Variants in ATP2B1 observed in about 807,000 individuals in gnomAD.
ATP2B1 encodes the protein ATPase plasma membrane Ca2+ transporting 1.
In ATP2B1, 14 loss-of-function variants were observed where a neutral mutation model predicts 124.2. That is an observed-to-expected ratio of 0.11 (90% CI 0.07 to 0.18). ATP2B1 has a LOEUF of 0.18. Among genes scored for constraint, ATP2B1 ranks in the 10% least tolerant of loss-of-function variants. The probability of loss-of-function intolerance (pLI) is 1.00; values close to 1 mark genes in which losing one functional copy is unlikely to be tolerated. For synonymous variants in ATP2B1, 449 were observed against 492.4 expected, an observed-to-expected ratio of 0.91 and a Z score of 1.17; for missense variants, 763 against 1,466.1, an observed-to-expected ratio of 0.52 and a Z score of 7.83.
chr12:89,677,041 A>C lies in ATP2B1; in HGVS notation c.-221-20934T>G, dbSNP rs115174693. On this transcript the variant is annotated intron_variant, in intron 1 of 20. Coordinates refer to ENST00000428670, the MANE Select transcript of ATP2B1 (RefSeq NM_001366521.1). The stretch of plus-strand genomic sequence containing the variant: ...CCACCACCACCACCACCACCACCAA[A>C]CAAAGAAACAAACAAAAACAATCAC... 8.5e-3 allele frequency among the ~76,000 whole-genome samples: 809 copies of C among 95,698 alleles called. 2 individuals are homozygous for C. Among genetic ancestry groups the C allele is most frequent in the Non-Finnish European group, 0.013 (550 of 43,398 alleles). 62.8% of individuals were successfully genotyped at this position (95,698 alleles called of 152,430 possible).
intron 12 of ATP2B1, among the ~76,000 whole-genome samples, chr12:89,615,657 T>A (rs1878825459): frequency 6.6e-6 from 1 of 152,176 alleles, no homozygotes; most frequent in Non-Finnish European, 1.5e-5. Flanking sequence ...AACTGCTCGC[T>A]CTCTTTCTTG....
At chr12:89,673,933 A>G (rs1384824094) in intron 1 of ATP2B1, among the ~76,000 whole-genome samples, 2 of 152,208 alleles carry the variant, frequency 1.3e-5, no homozygotes, top group Non-Finnish European at 2.9e-5. Context: ...GAGCATTTCA[A>G]GTTGGGTTTT....
chr12:89,691,596 A>G (rs1331775418), intron 1 of ATP2B1, among the ~76,000 whole-genome samples: 3 of 152,132 alleles, frequency 2.0e-5, no homozygotes, highest in African/African-American at 7.2e-5. Flanking sequence ...GAAAGTGATC[A>G]CTCAGGATTA....
chr12:89,623,391 G>A (rs1880323349), intron 9 of ATP2B1, among the ~76,000 whole-genome samples: 2 of 149,326 alleles, frequency 1.3e-5, no homozygotes, highest in South Asian at 2.1e-4. Flanking sequence ...TTTTCCGTAA[G>A]ATAGAAAATT....
intron 1 of ATP2B1, among the ~76,000 whole-genome samples, chr12:89,691,166 T>C (rs1565920236): frequency 1.3e-5 from 2 of 152,056 alleles, no homozygotes; most frequent in Admixed American, 6.6e-5. Flanking sequence ...CTGATTCATT[T>C]CTCTGTCTAC....
At chr12:89,605,659 AAGC>A (rs1188751319) in intron 15 of ATP2B1, among the ~76,000 whole-genome samples, 2 of 152,206 alleles carry the variant, frequency 1.3e-5, no homozygotes, top group African/African-American at 4.8e-5. Flanking sequence ...CTTTCTCAGG[AAGC>A]AGCTGGAGAA....
chr12:89,619,913 A>G (rs1316635053), intron 11 of ATP2B1, 86 bp downstream of exon 11: 1 of 1,510,730 alleles, frequency 6.6e-7, no homozygotes, highest in Admixed American at 2.0e-5. Flanking sequence ...GATGTTCACA[A>G]AAAGACAACA....
At chr12:89,664,670 A>C (rs566064578) in intron 1 of ATP2B1, among the ~76,000 whole-genome samples, 14 of 152,322 alleles carry the variant, frequency 9.2e-5, no homozygotes, top group African/African-American at 2.6e-4. Flanking sequence ...ACACTTCATG[A>C]GACTGTCTAA....
In ATP2B1 at chr12:89,590,809, TG is replaced by T; in HGVS notation, c.*174del. On this transcript the variant is annotated 3_prime_UTR_variant, in exon 21 of 21. Transcript: ENST00000428670. ...CACCCCCCAAAAAGCACCCTCAGTC[TG>T]GCAGAAAGCTTTGCTTTTTTTTTTT... is the stretch of plus-strand genomic sequence containing the variant. 1 of 709,582 alleles carries T rather than the reference TG, an allele frequency of 1.4e-6. No homozygotes were observed. Among genetic ancestry groups the T allele is most frequent in the Non-Finnish European group, 2.2e-6 (1 of 450,578 alleles). The allele number at this position is 709,582 out of a possible 1,614,324, so 44.0% of individuals were successfully genotyped here.
At chr12:89,663,761 T>C (rs1456048917) in intron 1 of ATP2B1, among the ~76,000 whole-genome samples, 2 of 152,246 alleles carry the variant, frequency 1.3e-5, no homozygotes, top group Non-Finnish European at 2.9e-5. Context: ...TAATCTAACC[T>C]ACTAGCAACC....
chr12:89,594,776 C>A (rs1488370758), intron 20 of ATP2B1: 1 of 151,934 alleles, frequency 6.6e-6, no homozygotes, highest in Non-Finnish European at 1.5e-5. Context: ...ACCATCCTAA[C>A]TTTTAATAGC....
chr12:89,634,218 A>C (rs912949704), intron 5 of ATP2B1, among the ~76,000 whole-genome samples: 2 of 152,132 alleles, frequency 1.3e-5, no homozygotes. Flanking sequence ...TTCTGACTAG[A>C]TGGAGGTGTG....
intron 13 of ATP2B1, among the ~76,000 whole-genome samples, chr12:89,610,956 ACTG>A (rs1304654476): frequency 1.3e-5 from 2 of 152,130 alleles, no homozygotes; most frequent in Non-Finnish European, 2.9e-5. Context: ...GCCTAGATTC[ACTG>A]CTGCTACTTT....
At chr12:89,667,957 G>C (rs191026223) in intron 1 of ATP2B1, among the ~76,000 whole-genome samples, 3 of 152,224 alleles carry the variant, frequency 2.0e-5, no homozygotes, top group African/African-American at 2.4e-5. Context: ...GTGCTACAGA[G>C]AACATCACAA....
chr12:89,630,663 G>C lies in ATP2B1; in HGVS notation c.788-18C>G. 1 of 1,430,612 alleles carries C rather than the reference G, an allele frequency of 7.0e-7. No individual in the cohort carries two copies. Among genetic ancestry groups the C allele is most frequent in the Non-Finnish European group, 9.2e-7 (1 of 1,086,018 alleles). 88.6% of individuals were successfully genotyped at this position (1,430,612 alleles called of 1,614,324 possible). A position where few individuals can be genotyped will look rare whatever the true frequency, so the allele number is the denominator to read the frequency against. ...ATGAGTACCTATAACCAAAAACATA[G>C]TTTGTTTTTAAAAATACTGATAGAT... On this transcript the variant is annotated intron_variant, in intron 5 of 20. Coordinates refer to ENST00000428670, the MANE Select transcript of ATP2B1 (RefSeq NM_001366521.1).
chr12:89,600,419 AAAT>A (rs1241186124), intron 19 of ATP2B1, among the ~76,000 whole-genome samples: 1 of 152,190 alleles, frequency 6.6e-6, no homozygotes, highest in African/African-American at 2.4e-5. Flanking sequence ...CACATTTAAA[AAAT>A]AATGACATGC....
chr12:89,701,198 C>T (rs990098487), intron 1 of ATP2B1, among the ~76,000 whole-genome samples: 3 of 152,150 alleles, frequency 2.0e-5, no homozygotes, highest in Non-Finnish European at 4.4e-5. Context: ...GTTCATGGAA[C>T]GGCAGCAATG....
intron 1 of ATP2B1, among the ~76,000 whole-genome samples, chr12:89,659,559 GTTAATAATACAATTTCAA>G (rs1005903468): frequency 3.3e-5 from 5 of 152,202 alleles, no homozygotes; most frequent in African/African-American, 1.2e-4. Context: ...AAAGAGGTTG[GTTAATAATACAATTTCAA>G]TTCCTTCTTT....
rs116285154 is a variant in ATP2B1, at chr12:89,604,200, A to G, written c.2589T>C (p.Asn863=). Reference sequence around the variant, plus strand: ...TAAAAGCAACAATCACTGCTACTACATTAACAGTAAGTTGGAACTGAAGGA... The same window carrying G: ...TAAAAGCAACAATCACTGCTACTACGTTAACAGTAAGTTGGAACTGAAGGA... The part of the protein sequence containing the change: ...SKFLQFQLTV[N]VVAVIVAFTG... The change falls in exon 16 of 21, where the codon AAT becomes AAC. Residue 863 remains asparagine (N), a synonymous_variant. Transcript: ENST00000428670. The G allele has an allele frequency of 6.7e-5, 108 of 1,614,088 alleles. No individual in the cohort carries two copies. The African/African-American group carries it at 1.3e-3, about 20-fold the overall frequency.
Sources: gnomAD v4.1 joint callset for allele counts (sites outside exome capture counted in the v4.1 genomes callset) on GRCh38, gnomAD v4.1.1 for gene constraint, MANE v1.5 for transcripts, NCBI Gene and HGNC (gene_info 2026-07-23, HGNC 2026-07-21) for gene names.